Variants in MTUS2 observed in about 807,000 individuals in gnomAD.
MTUS2 encodes the protein microtubule-associated tumor suppressor candidate 2.
MTUS2 carries 40 observed loss-of-function variants against 114.1 expected under a neutral mutation model. The ratio of observed to expected loss-of-function variants is 0.35; its 90% confidence interval spans 0.27 to 0.46. The LOEUF is 0.46. MTUS2 is among the 20% of genes least tolerant of loss of function. The pLI, the probability that MTUS2 is intolerant of heterozygous loss-of-function variation, is 1.00. For missense variants in MTUS2, 1,679 were observed against 1,705.4 expected, an observed-to-expected ratio of 0.98 and a Z score of 0.27; for synonymous variants, 688 against 672.0, an observed-to-expected ratio of 1.02 and a Z score of -0.37.
chr13:29,103,931 G>C (rs1301963316), intron 5 of MTUS2, among the ~76,000 whole-genome samples: 1 of 152,208 alleles, frequency 6.6e-6, no homozygotes, highest in African/African-American at 2.4e-5. Context: ...ATTTATGAGT[G>C]TTTCCTAGGC....
At chr13:28,905,248 C>T (rs1300644897) in intron 2 of MTUS2, among the ~76,000 whole-genome samples, 1 of 151,492 alleles carries the variant, frequency 6.6e-6, no homozygotes, top group African/African-American at 2.4e-5. Context: ...CCCTTTATTT[C>T]CTTCTCCTGC....
intron 5 of MTUS2, among the ~76,000 whole-genome samples, chr13:29,189,149 T>C (rs1894344181): frequency 6.6e-6 from 1 of 152,214 alleles, no homozygotes; most frequent in Non-Finnish European, 1.5e-5. Context: ...AAGTTACTTG[T>C]CTGTTTTGTA....
intron 8 of MTUS2, among the ~76,000 whole-genome samples, chr13:29,416,824 G>GGTTTA (rs1555276024): frequency 7.1e-4 from 35 of 48,986 alleles, no homozygotes; most frequent in Admixed American, 5.1e-3. Context: ...TTTGCCTAGA[G>GGTTTA]GTTTTGTTTT....
chr13:28,833,772 C>T (rs1363224258), intron 1 of MTUS2, among the ~76,000 whole-genome samples: 2 of 152,046 alleles, frequency 1.3e-5, no homozygotes, highest in Non-Finnish European at 2.9e-5. Flanking sequence ...TTGCAGATGA[C>T]ATGATCTTGT....
chr13:29,192,953 G>A (rs1246830989), intron 5 of MTUS2, among the ~76,000 whole-genome samples: 2 of 152,172 alleles, frequency 1.3e-5, no homozygotes, highest in Admixed American at 6.5e-5. Context: ...ACAGTTGGAT[G>A]CCTAGAGGGT....
chr13:29,127,083 T>C (rs903646780), intron 5 of MTUS2, among the ~76,000 whole-genome samples: 9 of 152,200 alleles, frequency 5.9e-5, no homozygotes, highest in Non-Finnish European at 1.3e-4. Flanking sequence ...GCTCACCTGC[T>C]CCTGGCCCCA....
At chr13:29,177,891 C>G (rs1046356340) in intron 5 of MTUS2, among the ~76,000 whole-genome samples, 1 of 152,150 alleles carries the variant, frequency 6.6e-6, no homozygotes, top group Non-Finnish European at 1.5e-5. Context: ...CTGTTATCTC[C>G]CAGGATCCCT....
intron 8 of MTUS2, among the ~76,000 whole-genome samples, chr13:29,415,405 T>C (rs1875594583): frequency 6.6e-6 from 1 of 152,170 alleles, no homozygotes; most frequent in Non-Finnish European, 1.5e-5. Context: ...GCATAAATAT[T>C]TATAAGTGTT....
chr13:29,276,978 A>G (rs1362729463), intron 5 of MTUS2, among the ~76,000 whole-genome samples: 1 of 152,206 alleles, frequency 6.6e-6, no homozygotes, highest in Non-Finnish European at 1.5e-5. Context: ...TCAATGACAT[A>G]TGATTGTTTA....
chr13:28,976,993 T>C lies in MTUS2; in HGVS notation c.-242-47464T>C, dbSNP rs550295188. ...GAGAAGGGGCTTAGGTTTTATGATA[T>C]ACCCTTCCCCCCTTTGAGTTTGATG... is the stretch of plus-strand genomic sequence containing the variant. On this transcript the variant is annotated intron_variant, in intron 2 of 15. Coordinates refer to ENST00000612955, the MANE Select transcript of MTUS2 (RefSeq NM_001033602.4). Among the ~76,000 whole-genome samples the C allele has an allele frequency of 2.6e-5, 4 of 152,290 alleles. No homozygotes were observed. The South Asian group carries it at 6.2e-4, about 24-fold the overall frequency.
chr13:29,475,451 AG>A (rs1274712855), intron 9 of MTUS2, among the ~76,000 whole-genome samples: 1 of 152,204 alleles, frequency 6.6e-6, no homozygotes, highest in Non-Finnish European at 1.5e-5. Context: ...AAACATCCTC[AG>A]GCAGGTCCTT....
chr13:29,362,397 A>G (rs1870335544), intron 8 of MTUS2, among the ~76,000 whole-genome samples: 1 of 152,236 alleles, frequency 6.6e-6, no homozygotes, highest in South Asian at 2.1e-4. Flanking sequence ...AGGTGAAAAC[A>G]CAGTCAAAGC....
chr13:29,109,373 A>G (rs1445791307), intron 5 of MTUS2, among the ~76,000 whole-genome samples: 1 of 152,194 alleles, frequency 6.6e-6, no homozygotes, highest in Non-Finnish European at 1.5e-5. Flanking sequence ...TATACAATAT[A>G]GTGTTATTAA....
At chr13:29,386,789 A>G (rs1008743479) in intron 8 of MTUS2, among the ~76,000 whole-genome samples, 19 of 152,170 alleles carry the variant, frequency 1.2e-4, no homozygotes, top group African/African-American at 4.6e-4. Context: ...AATAGCAGAG[A>G]TTTTAGAGAT....
At chr13:29,050,146 C>G (rs1001106452) in intron 4 of MTUS2, among the ~76,000 whole-genome samples, 1 of 152,174 alleles carries the variant, frequency 6.6e-6, no homozygotes, top group East Asian at 1.9e-4. Flanking sequence ...GCCCCAGATT[C>G]AAGAGCCTGG....
intron 6 of MTUS2, among the ~76,000 whole-genome samples, chr13:29,312,880 G>A (rs1233204641): frequency 6.6e-6 from 1 of 152,112 alleles, no homozygotes; most frequent in African/African-American, 2.4e-5. Flanking sequence ...TTTATTATGT[G>A]GGGATAGAGA....
intron 5 of MTUS2, among the ~76,000 whole-genome samples, chr13:29,182,434 G>A (rs548897499): frequency 1.6e-4 from 24 of 152,324 alleles, no homozygotes; most frequent in African/African-American, 2.4e-4. Context: ...GTAAAACTGC[G>A]TTGCATTACT....
At chr13:29,368,828 A>G (rs7489499) in intron 8 of MTUS2, among the ~76,000 whole-genome samples, 30,772 of 152,132 alleles carry the variant, frequency 0.2, 3,227 homozygotes, top group Middle Eastern at 0.25. Flanking sequence ...GGTGGTTTAC[A>G]TACAGTGATG....
At chr13:29,239,695 A>G (rs1487406635) in intron 5 of MTUS2, 1 of 151,896 alleles carries the variant, frequency 6.6e-6, no homozygotes, top group East Asian at 1.9e-4. Flanking sequence ...ATATCTGACA[A>G]ATAATCTGAA....
Sources: gnomAD v4.1 joint callset for allele counts (sites outside exome capture counted in the v4.1 genomes callset) on GRCh38, gnomAD v4.1.1 for gene constraint, MANE v1.5 for transcripts, NCBI Gene and HGNC (gene_info 2026-07-23, HGNC 2026-07-21) for gene names.